The following TMEM266 variants were observed in gnomAD, a reference collection of about 807,000 sequenced individuals.
TMEM266 encodes the protein Hv1 related protein 1.
TMEM266 carries 33 observed loss-of-function variants against 50.5 expected under a neutral mutation model. The observed-to-expected ratio is 0.65, with a 90% CI of 0.50 to 0.87. The LOEUF (loss-of-function observed/expected upper bound fraction) is 0.87, where lower values mean the gene tolerates loss of function less well. TMEM266 is among the 40% of genes least tolerant of loss of function. The pLI is 0.00. For missense variants in TMEM266, 655 were observed against 695.1 expected (o/e 0.94, Z 0.65); for synonymous variants, 310 against 292.3 (o/e 1.06, Z -0.62).
intron 1 of TMEM266, among the ~76,000 whole-genome samples, chr15:76,115,006 C>G (rs1336955388): frequency 6.6e-6 from 1 of 152,142 alleles, no homozygotes; most frequent in East Asian, 1.9e-4. Flanking sequence ...CACAGTGGCT[C>G]ACACCCATAA....
chr15:76,109,740 T>C (rs1406915602), intron 1 of TMEM266, among the ~76,000 whole-genome samples: 2 of 151,180 alleles, frequency 1.3e-5, no homozygotes, highest in African/African-American at 4.9e-5. Flanking sequence ...GACAGGATCT[T>C]GCTCTGTTGC....
At chr15:76,145,177 C>T (rs908776507) in intron 3 of TMEM266, among the ~76,000 whole-genome samples, 2 of 152,188 alleles carry the variant, frequency 1.3e-5, no homozygotes, top group African/African-American at 4.8e-5. Context: ...CGGCTTCATC[C>T]TGATGTTGTA....
intron 1 of TMEM266, among the ~76,000 whole-genome samples, chr15:76,126,374 C>CATATATATAT (rs61446223): frequency 3.3e-4 from 46 of 137,810 alleles, no homozygotes; most frequent in African/African-American, 1.0e-3. Context: ...CACCCACAGA[C>CATATATATAT]ATATATATAT....
intron 4 of TMEM266, among the ~76,000 whole-genome samples, chr15:76,158,027 T>TAAATAAAA (rs1181164831): frequency 4.1e-4 from 62 of 152,016 alleles, no homozygotes; most frequent in African/African-American, 1.4e-3. Flanking sequence ...AATAAATAAA[T>TAAATAAAA]AGAGGTACAA....
intron 1 of TMEM266, among the ~76,000 whole-genome samples, chr15:76,090,062 T>C (rs2036828292): frequency 6.6e-6 from 1 of 152,204 alleles, no homozygotes; most frequent in Admixed American, 6.5e-5. Context: ...AATTCGTGTG[T>C]GACATTTAGT....
At chr15:76,080,195 C>T (rs369519597) in intron 1 of TMEM266, among the ~76,000 whole-genome samples, 10 of 148,020 alleles carry the variant, frequency 6.8e-5, no homozygotes, top group Non-Finnish European at 8.9e-5. Context: ...GGTGAAACCC[C>T]GTCTCTACTA....
intron 8 of TMEM266, among the ~76,000 whole-genome samples, chr15:76,190,494 G>T (rs2038551779): frequency 1.3e-5 from 2 of 152,078 alleles, no homozygotes; most frequent in South Asian, 4.2e-4. Context: ...TCCTGTTGGA[G>T]TGATGGCAGA....
At chr15:76,116,234 A>T (rs1022865019) in intron 1 of TMEM266, among the ~76,000 whole-genome samples, 2 of 151,330 alleles carry the variant, frequency 1.3e-5, no homozygotes, top group Non-Finnish European at 2.9e-5. Context: ...CGGGAGACAC[A>T]CACGAAGCTT....
chr15:76,079,844 G>T (rs902426790), intron 1 of TMEM266, among the ~76,000 whole-genome samples: 1 of 151,604 alleles, frequency 6.6e-6, no homozygotes, highest in Non-Finnish European at 1.5e-5. Flanking sequence ...GGGGGTGGGG[G>T]CAGTGCAGTG....
At chr15:76,201,020 A>C (rs2038737467) in intron 9 of TMEM266, among the ~76,000 whole-genome samples, 2 of 151,874 alleles carry the variant, frequency 1.3e-5, no homozygotes, top group African/African-American at 4.8e-5. Context: ...GGGTCTGCTG[A>C]CCCCATTCTT....
Position 76,137,643 on chromosome 15 carries a change from G to A in TMEM266, c.39-64G>A, listed in dbSNP as rs1457983278. On this transcript the variant is annotated intron_variant, in intron 2 of 10. Transcript: ENST00000388942. ...CAGCATTCTCCCTCCTTTCCTTGAG[G>A]AATGGAAGAATTTTTTGGCCCTTGA... 4 of 1,496,380 alleles carry A rather than the reference G, an allele frequency of 2.7e-6. No individual in the cohort carries two copies. The African/African-American group carries it at 5.5e-5, about 21-fold the overall frequency. The allele number at this position is 1,496,380 out of a possible 1,614,324, so 92.7% of individuals were successfully genotyped here.
chr15:76,111,454 G>A (rs146532685), intron 1 of TMEM266, among the ~76,000 whole-genome samples: 18 of 151,790 alleles, frequency 1.2e-4, no homozygotes, highest in Non-Finnish European at 2.4e-4. Context: ...CTTGCCTCTA[G>A]TAAACACTAT....
chr15:76,165,454 C>T (rs2038080364), intron 5 of TMEM266, among the ~76,000 whole-genome samples: 1 of 152,336 alleles, frequency 6.6e-6, no homozygotes, highest in South Asian at 2.1e-4. Flanking sequence ...CACTGCTTAT[C>T]AGAGCAGCCT....
At chr15:76,085,104 C>CAT (rs1396585584) in intron 1 of TMEM266, among the ~76,000 whole-genome samples, 2 of 150,826 alleles carry the variant, frequency 1.3e-5, no homozygotes, top group African/African-American at 2.4e-5. Context: ...GGACTACAGG[C>CAT]GCCTGCCACC....
At position 76,160,759 on chromosome 15, in the gene TMEM266, G is replaced by A. The variant is rs1181891201; in HGVS notation, c.456+591G>A. Among the ~76,000 whole-genome samples the A allele has an allele frequency of 5.3e-5, 8 of 152,196 alleles. No individual in the cohort carries two copies. Among genetic ancestry groups the A allele is most frequent in the Non-Finnish European group, 1.2e-4 (8 of 68,028 alleles). On this transcript the variant is annotated intron_variant, in intron 5 of 10. Coordinates refer to ENST00000388942, the MANE Select transcript of TMEM266 (RefSeq NM_152335.3). The surrounding 1 kb of genome is among the most constrained non-coding windows in gnomAD (Gnocchi z 5.7). ...CCGAGGTGGGGGCTCAGGGAGCACGGATCGCCGTCAGCGTTGCTGGAGTCG... is the reference window on the plus strand; with the variant it reads ...CCGAGGTGGGGGCTCAGGGAGCACGAATCGCCGTCAGCGTTGCTGGAGTCG...
Position 76,180,607 on chromosome 15 carries a change from C to CCT in TMEM266, c.768+4933_768+4934insCT, listed in dbSNP as rs772297807. 7.3e-3 allele frequency among the ~76,000 whole-genome samples: 463 copies of CCT among 63,242 alleles called. 1 individual carries two copies. Among genetic ancestry groups the CCT allele is most frequent in the Non-Finnish European group, 0.01 (381 of 37,536 alleles). The allele number at this position is 63,242 out of a possible 152,430, so 41.5% of individuals were successfully genotyped here. On this transcript the variant is annotated intron_variant, in intron 8 of 10. Coordinates refer to ENST00000388942, the MANE Select transcript of TMEM266 (RefSeq NM_152335.3). The stretch of plus-strand genomic sequence containing the variant: ...TTACTCTCTGTTTCTTCATCTTAAG[C>CCT]TTTTTTTTTTTTTTTTTTTTTTTTG...
At chr15:76,174,233 A>G (rs1453539076) in intron 7 of TMEM266, among the ~76,000 whole-genome samples, 1 of 152,126 alleles carries the variant, frequency 6.6e-6, no homozygotes, top group Non-Finnish European at 1.5e-5. Context: ...TATAATTCAC[A>G]TGCCGTAAAA....
chr15:76,099,752 A>C (rs571208998), intron 1 of TMEM266, among the ~76,000 whole-genome samples: 102 of 152,222 alleles, frequency 6.7e-4, no homozygotes, highest in Non-Finnish European at 1.2e-3. Context: ...GGGTTAGTCC[A>C]TTTTCACAGT....
At position 76,164,857 on chromosome 15, in the gene TMEM266, A is replaced by C. The variant is rs117431340; in HGVS notation, c.456+4689A>C. Among the ~76,000 whole-genome samples the C allele has an allele frequency of 1.9e-3, 293 of 152,148 alleles. 7 individuals are homozygous for C. The East Asian group carries it at 0.049, about 25-fold the overall frequency. On this transcript the variant is annotated intron_variant, in intron 5 of 10. Coordinates refer to ENST00000388942, the MANE Select transcript of TMEM266 (RefSeq NM_152335.3). ...CTTCTCCCTGGCTGGCGGGCCCCAC[A>C]TGGGGATGGCTCTGCAGGGCACAGG...
Sources: gnomAD v4.1 joint callset for allele counts (sites outside exome capture counted in the v4.1 genomes callset) on GRCh38, gnomAD v4.1.1 for gene constraint, Gnocchi (gnomAD v3.1) non-coding constraint, MANE v1.5 for transcripts, NCBI Gene and HGNC (gene_info 2026-07-23, HGNC 2026-07-21) for gene names.